The following USP39 variants were observed in gnomAD, a reference collection of about 807,000 sequenced individuals.
USP39 encodes ubiquitin specific peptidase 39, also known as ubiquitin carboxyl-terminal hydrolase 39.
In USP39, 38 loss-of-function variants were observed where a neutral mutation model predicts 66.4. That is an observed-to-expected ratio of 0.57 (90% CI 0.44 to 0.75). The LOEUF is 0.75. Ranked by LOEUF, USP39 falls within the 30% of genes least tolerant of loss-of-function variation. The probability of loss-of-function intolerance (pLI) is 0.00; values close to 1 mark genes in which losing one functional copy is unlikely to be tolerated. For missense variants in USP39, 608 were observed against 714.4 expected, an observed-to-expected ratio of 0.85 and a Z score of 1.70; for synonymous variants, 303 against 274.6, an observed-to-expected ratio of 1.10 and a Z score of -1.02.
upstream of USP39, among the ~76,000 whole-genome samples, chr2:85,610,013 GT>G (rs552989319): frequency 7.2e-3 from 902 of 125,140 alleles, 8 homozygotes; most frequent in African/African-American, 0.024. Context: ...AGTGTAAGTG[GT>G]TTTTTTTTTT....
chr2:85,625,673 T>G lies in USP39; in HGVS notation c.705T>G (p.Tyr235Ter). 6.2e-7 allele frequency: 1 copy of G among 1,613,386 alleles called. No homozygotes were observed. Among genetic ancestry groups the G allele is most frequent in the Non-Finnish European group, 8.5e-7 (1 of 1,179,528 alleles). Residue 235 changes from tyrosine to a stop codon, truncating the protein, a stop_gained, in exon 5 of 13, where the codon TAT becomes TAG. Transcript: ENST00000323701. LOFTEE classifies it high-confidence loss of function. ...TGAATAACATAAAGGCCAATGATTA[T>G]GCCAACGCTGTCCTTCAGGTAAGAT... ...VGLNNIKAND[Y>*]ANAVLQALSN...
At chr2:85,639,853 A>C (rs1424414475) in intron 9 of USP39, 3 of 152,868 alleles carry the variant, frequency 2.0e-5, no homozygotes, top group Admixed American at 2.0e-4. Flanking sequence ...CTCACTGGTC[A>C]CCCCCAACTC....
chr2:85,611,041 G>C (rs2104161962), upstream of USP39: 1 of 169,940 alleles, frequency 5.9e-6, no homozygotes, highest in African/African-American at 2.4e-5. Flanking sequence ...TTACAGGCGA[G>C]AGCCACCGCG....
At chr2:85,608,366 T>A (rs1212586537), upstream of USP39, 1 of 151,638 alleles carries the variant, frequency 6.6e-6, no homozygotes, top group Non-Finnish European at 1.5e-5. Flanking sequence ...GAAGGGTAGA[T>A]CCCCAGGCCC....
At chr2:85,623,179 G>A (rs1674593208) in intron 3 of USP39, among the ~76,000 whole-genome samples, 1 of 152,098 alleles carries the variant, frequency 6.6e-6, no homozygotes, top group Non-Finnish European at 1.5e-5. Flanking sequence ...CATAGATAAA[G>A]CATTGTCCTG....
intron 7 of USP39, among the ~76,000 whole-genome samples, chr2:85,637,003 C>A (rs934441918): frequency 6.6e-6 from 1 of 152,150 alleles, no homozygotes; most frequent in Non-Finnish European, 1.5e-5. Flanking sequence ...GACATTGTCT[C>A]CCTTTGAAAG....
In USP39 at chr2:85,616,438, C is replaced by T; in HGVS notation, c.243C>T (p.Asp81=). The change falls in exon 1 of 13, where the codon GAC becomes GAT. Residue 81 remains aspartate, a synonymous_variant. Transcript: ENST00000323701. The stretch of plus-strand genomic sequence containing the variant: ...AGCGGGAGCGCGAGGTCGATGAGGA[C>T]TCGGAGCCTGAGCGGGAGGTGCGAG... ...RVKREREVDE[D]SEPEREVRAK... 1 of 1,570,578 alleles carries T rather than the reference C, an allele frequency of 6.4e-7. No homozygotes were observed.
chr2:85,604,400 C>T (rs532154770), intron 1 of USP39, among the ~76,000 whole-genome samples: 2 of 152,148 alleles, frequency 1.3e-5, no homozygotes, highest in East Asian at 1.9e-4. Flanking sequence ...TTAGTAGAGA[C>T]GGGGTTTCAC....
upstream of USP39, chr2:85,610,391 T>C (rs1260228857): frequency 6.6e-6 from 1 of 152,220 alleles, no homozygotes; most frequent in Non-Finnish European, 1.5e-5. Context: ...AGCACAATCC[T>C]GTCACACAGT....
chr2:85,609,120 G>A, upstream of USP39: 1 of 1,601,894 alleles, frequency 6.2e-7, no homozygotes, highest in Non-Finnish European at 8.5e-7. Flanking sequence ...CCAGAAAGGT[G>A]ACCTGCCCTG....
chr2:85,631,401 T>G (rs1675323222), intron 6 of USP39, among the ~76,000 whole-genome samples: 1 of 150,238 alleles, frequency 6.7e-6, no homozygotes, highest in Non-Finnish European at 1.5e-5. Context: ...ACTGCAGCCT[T>G]GAACTTCTGG....
chr2:85,612,166 G>C (rs1284299645), upstream of USP39: 1 of 902,860 alleles, frequency 1.1e-6, no homozygotes, highest in Non-Finnish European at 1.6e-6. Context: ...CGGGTCGGGT[G>C]GAGTAGGGTA....
chr2:85,625,350 G>A (rs1280547706), intron 4 of USP39, among the ~76,000 whole-genome samples, 189 bp from the exon 5 acceptor site: 2 of 152,192 alleles, frequency 1.3e-5, no homozygotes, highest in East Asian at 3.8e-4. Context: ...AGATCCCCTT[G>A]TAGATTAGCC....
upstream of USP39, chr2:85,611,790 C>T (rs775764063): frequency 2.0e-5 from 32 of 1,610,980 alleles, 1 homozygote; most frequent in South Asian, 3.4e-4. Context: ...GTCGTCCCTG[C>T]GGGGAGCCGA....
upstream of USP39, chr2:85,610,803 G>C (rs895661169): frequency 1.3e-5 from 2 of 148,754 alleles, no homozygotes; most frequent in Non-Finnish European, 3.0e-5. Context: ...GTGTTGCCCA[G>C]GCTGGAGTGC....
intron 2 of USP39, chr2:85,621,138 T>A (rs1264102694): frequency 5.7e-6 from 1 of 175,702 alleles, no homozygotes; most frequent in African/African-American, 2.4e-5. Flanking sequence ...ACCCTTTTTA[T>A]GTCCTCTCCA....
At chr2:85,611,381 T>C, upstream of USP39, 8 of 1,457,582 alleles carry the variant, frequency 5.5e-6, no homozygotes, top group Non-Finnish European at 7.2e-6. Context: ...CTTTGCTAGG[T>C]AGCGGAGCAC....
At chr2:85,645,943 C>T (rs1676608997) in intron 11 of USP39, 1 of 152,178 alleles carries the variant, frequency 6.6e-6, no homozygotes, top group African/African-American at 2.4e-5. Flanking sequence ...TTTTGAAGTT[C>T]CCTGAGAGAC....
chr2:85,640,617 ATAT>A (rs1345909075), intron 9 of USP39, among the ~76,000 whole-genome samples: 32 of 135,044 alleles, frequency 2.4e-4, no homozygotes, highest in Middle Eastern at 3.6e-3. Context: ...ATATATATAT[ATAT>A]TTTTTTTTTC....
Sources: gnomAD v4.1 joint callset for allele counts (sites outside exome capture counted in the v4.1 genomes callset) on GRCh38, gnomAD v4.1.1 for gene constraint, MANE v1.5 for transcripts, NCBI Gene and HGNC (gene_info 2026-07-23, HGNC 2026-07-21) for gene names.